Variants in LIMS1 observed in about 807,000 individuals in gnomAD.
The protein encoded by LIMS1 is LIM zinc finger domain containing 1.
LIMS1 carries 18 observed loss-of-function variants against 44.1 expected under a neutral mutation model. The observed-to-expected ratio is 0.41, with a 90% confidence interval of 0.28 to 0.61. The LOEUF (loss-of-function observed/expected upper bound fraction) is 0.61. Among genes scored for constraint, LIMS1 ranks in the 20% least tolerant of loss-of-function variants. The pLI, the probability that LIMS1 is intolerant of heterozygous loss-of-function variation, is 0.32. For missense variants in LIMS1, 201 were observed against 422.0 expected (o/e 0.48, Z 4.59); for synonymous variants, 93 against 149.1 (o/e 0.62, Z 2.74).
At chr2:108,573,209 T>C (rs1458533596) in intron 1 of LIMS1, among the ~76,000 whole-genome samples, 1 of 152,226 alleles carries the variant, frequency 6.6e-6, no homozygotes, top group African/African-American at 2.4e-5. Flanking sequence ...ATTTCTGCAC[T>C]TATTTTATTG....
chr2:108,596,269 T>C (rs1232570445), intron 1 of LIMS1, among the ~76,000 whole-genome samples: 3 of 152,140 alleles, frequency 2.0e-5, no homozygotes, highest in African/African-American at 7.2e-5. Flanking sequence ...GTGAGATAAA[T>C]GAGCATGTGC....
intron 1 of LIMS1, among the ~76,000 whole-genome samples, chr2:108,586,373 G>A (rs1275608625): frequency 6.6e-6 from 1 of 152,182 alleles, no homozygotes; most frequent in Non-Finnish European, 1.5e-5. Flanking sequence ...CTGTCTGGAT[G>A]TGAGTTTATG....
intron 1 of LIMS1, among the ~76,000 whole-genome samples, chr2:108,600,660 A>G (rs752338079): frequency 6.6e-6 from 1 of 152,146 alleles, no homozygotes; most frequent in African/African-American, 2.4e-5. Flanking sequence ...TGGCACCTTT[A>G]TGGAAAATGA....
chr2:108,609,798 G>A (rs1463146247), intron 1 of LIMS1, among the ~76,000 whole-genome samples: 3 of 152,134 alleles, frequency 2.0e-5, no homozygotes, highest in African/African-American at 7.2e-5. Context: ...CTGGCTTTAA[G>A]GAAGTTATGC....
At chr2:108,638,579 A>T (rs1689438858) in intron 1 of LIMS1, among the ~76,000 whole-genome samples, 1 of 151,940 alleles carries the variant, frequency 6.6e-6, no homozygotes, top group African/African-American at 2.4e-5. Context: ...CCCCGTCTCT[A>T]CCACTAAAAA....
At chr2:108,640,662 A>G (rs1048014102) in intron 1 of LIMS1, among the ~76,000 whole-genome samples, 4 of 152,182 alleles carry the variant, frequency 2.6e-5, no homozygotes, top group Non-Finnish European at 5.9e-5. Context: ...TTTTTTATTG[A>G]TACATAATAA....
chr2:108,625,201 G>T (rs1688491596), intron 1 of LIMS1, among the ~76,000 whole-genome samples: 1 of 152,134 alleles, frequency 6.6e-6, no homozygotes, highest in South Asian at 2.1e-4. Flanking sequence ...TTGAATGGTT[G>T]AAAAAATAAT....
At chr2:108,682,531 G>A (rs987171782) in intron 9 of LIMS1, among the ~76,000 whole-genome samples, 1 of 151,972 alleles carries the variant, frequency 6.6e-6, no homozygotes, top group Non-Finnish European at 1.5e-5. Context: ...ATTAAAACTG[G>A]AAAGCTTGCT....
At chr2:108,534,692 G>A in intron 1 of LIMS1, 98 bp downstream of exon 1, 2 of 703,182 alleles carry the variant, frequency 2.8e-6, no homozygotes, top group South Asian at 6.0e-5. Flanking sequence ...GCGGGCGGCC[G>A]GGCTTTCCCC....
Position 108,629,354 on chromosome 2 carries a change from A to G in LIMS1, c.33-30251A>G, listed in dbSNP as rs374966737. Among the ~76,000 whole-genome samples the G allele has an allele frequency of 3.9e-5, 6 of 152,332 alleles. No homozygotes were observed. In the East Asian group the frequency reaches 1.2e-3, roughly 29 times the overall value. On this transcript the variant is annotated intron_variant, in intron 1 of 9. Coordinates refer to ENST00000544547, the Ensembl canonical transcript of LIMS1. The stretch of plus-strand genomic sequence containing the variant: ...TGAACTTAGGATGGTCTTCAGAGAT[A>G]TATATAAAGAAAGAGAGGAGACAGA...
intron 9 of LIMS1, 163 bp downstream of exon 9, chr2:108,680,933 GTTCT>G (rs768906994): frequency 3.7e-4 from 483 of 1,306,046 alleles, no homozygotes; most frequent in Middle Eastern, 1.7e-3. Flanking sequence ...ACTGTTCCCT[GTTCT>G]TTCTTCTATT....
intron 2 of LIMS1, among the ~76,000 whole-genome samples, chr2:108,665,064 T>G (rs1404043064): frequency 6.6e-6 from 1 of 152,230 alleles, no homozygotes; most frequent in East Asian, 1.9e-4. Context: ...TTTCCCTGCC[T>G]TATGTATTTT....
At chr2:108,680,238 G>A (rs1369804098) in intron 8 of LIMS1, among the ~76,000 whole-genome samples, 6 of 151,750 alleles carry the variant, frequency 4.0e-5, no homozygotes, top group Non-Finnish European at 7.4e-5. Flanking sequence ...ATGGTGGCAC[G>A]CACCTGTAGT....
At chr2:108,572,833 C>G (rs898781799) in intron 1 of LIMS1, among the ~76,000 whole-genome samples, 1 of 152,142 alleles carries the variant, frequency 6.6e-6, no homozygotes, top group Non-Finnish European at 1.5e-5. Context: ...CTCTAACATT[C>G]TGGAACTGGC....
intron 1 of LIMS1, among the ~76,000 whole-genome samples, chr2:108,571,095 T>C (rs17190855): frequency 0.013 from 1,922 of 152,284 alleles, 25 homozygotes; most frequent in Non-Finnish European, 0.016. Flanking sequence ...GTATACTGTT[T>C]ATTGGGAGGG....
chr2:108,622,707 A>G (rs1239471768), intron 1 of LIMS1, among the ~76,000 whole-genome samples: 3 of 152,196 alleles, frequency 2.0e-5, no homozygotes, highest in Non-Finnish European at 4.4e-5. Context: ...CAGATAGACA[A>G]TTGGAAGTGA....
intron 3 of LIMS1, 23 bp downstream of exon 3, chr2:108,670,870 A>G: frequency 6.3e-7 from 1 of 1,577,840 alleles, no homozygotes; most frequent in Non-Finnish European, 8.7e-7. Flanking sequence ...GCTAAATGTC[A>G]AGTAAAAAGT....
intron 1 of LIMS1, among the ~76,000 whole-genome samples, chr2:108,654,489 T>C (rs960150189): frequency 6.6e-5 from 10 of 152,054 alleles, no homozygotes; most frequent in Non-Finnish European, 1.2e-4. Context: ...TTTTAGGGGC[T>C]CATGGCCTCC....
chr2:108,668,439 A>G (rs1691941854), intron 2 of LIMS1, among the ~76,000 whole-genome samples: 1 of 152,174 alleles, frequency 6.6e-6, no homozygotes, highest in Non-Finnish European at 1.5e-5. Context: ...ACCTCTTTAG[A>G]TTCCACATAT....
Sources: allele counts gnomAD v4.1 joint callset (sites outside exome capture counted in the v4.1 genomes callset), GRCh38; gene constraint gnomAD v4.1.1; transcripts MANE v1.5; gene names NCBI Gene and HGNC (gene_info 2026-07-23, HGNC 2026-07-21).